ADGRF5: variants seen among roughly 807,000 people sequenced by gnomAD.
ADGRF5 encodes adhesion G protein-coupled receptor F5.
A neutral mutation model predicts 132.3 loss-of-function variants in ADGRF5; 75 were observed. The observed-to-expected ratio is 0.57, with a 90% CI of 0.47 to 0.69. The LOEUF is 0.69. Ranked by LOEUF, ADGRF5 falls within the 30% of genes least tolerant of loss-of-function variation. The pLI is 0.00. For synonymous variants in ADGRF5, 629 were observed against 597.6 expected (o/e 1.05, Z -0.77); for missense variants, 1,516 against 1,630.6 (o/e 0.93, Z 1.21).
chr6:46,871,164 A>C (rs1771017274), intron 11 of ADGRF5, among the ~76,000 whole-genome samples: 1 of 152,146 alleles, frequency 6.6e-6, no homozygotes, highest in Non-Finnish European at 1.5e-5. Context: ...GATTAATCTA[A>C]ATTGTTCATT....
At chr6:46,879,740 G>A (rs571442679) in intron 9 of ADGRF5, 78 bp downstream of exon 9, 22 of 986,216 alleles carry the variant, frequency 2.2e-5, no homozygotes, top group Middle Eastern at 2.2e-4. Context: ...ACATAGCTAC[G>A]TAAAACACTA....
intron 8 of ADGRF5, 86 bp from the exon 9 acceptor site, chr6:46,880,125 C>G (rs188356746): frequency 9.1e-6 from 8 of 878,102 alleles, no homozygotes; most frequent in African/African-American, 1.6e-5. Context: ...CCACAAGGCT[C>G]TTGGAGATCT....
At chr6:46,954,245 CT>C (rs11341848) in intron 1 of ADGRF5, among the ~76,000 whole-genome samples, 21,870 of 150,174 alleles carry the variant, frequency 0.15, 1,819 homozygotes, top group Admixed American at 0.23. Context: ...ACAAAGTACT[CT>C]TTTTTTTTTC....
Position 46,866,910 on chromosome 6 carries a change from C to A in ADGRF5, c.1834+15G>T, listed in dbSNP as rs1770513833. 6.7e-7 allele frequency: 1 copy of A among 1,495,938 alleles called. No homozygotes were observed. Among genetic ancestry groups the A allele is most frequent in the Admixed American group, 1.7e-5 (1 of 59,708 alleles). The allele number at this position is 1,495,938 out of a possible 1,614,324, so 92.7% of individuals were successfully genotyped here. A position where few individuals can be genotyped will look rare whatever the true frequency, so the allele number is the denominator to read the frequency against. The stretch of plus-strand genomic sequence containing the variant: ...GAAATAATATACCCTAACAATTCAG[C>A]AATCAGCATCTTACCAGCAGGAAGG... On this transcript the variant is annotated intron_variant, in intron 13 of 20. Transcript: ENST00000283296.
intron 12 of ADGRF5, among the ~76,000 whole-genome samples, chr6:46,867,977 G>A (rs1042027317): frequency 6.6e-6 from 1 of 152,186 alleles, no homozygotes; most frequent in Non-Finnish European, 1.5e-5. Flanking sequence ...GAGCAGGATT[G>A]AGGTCAGCCT....
intron 3 of ADGRF5, among the ~76,000 whole-genome samples, chr6:46,888,872 A>G (rs1009571445): frequency 1.3e-5 from 2 of 152,122 alleles, no homozygotes; most frequent in Non-Finnish European, 2.9e-5. Flanking sequence ...TAAGGGCTGA[A>G]CCATGCATGG....
chr6:46,876,570 T>C (rs1206087053), intron 10 of ADGRF5, among the ~76,000 whole-genome samples: 1 of 152,140 alleles, frequency 6.6e-6, no homozygotes, highest in Non-Finnish European at 1.5e-5. Context: ...AAATTACATG[T>C]GCTTAGGAAA....
intron 1 of ADGRF5, among the ~76,000 whole-genome samples, chr6:46,921,217 C>T (rs964151541): frequency 2.0e-5 from 3 of 152,160 alleles, no homozygotes; most frequent in African/African-American, 7.2e-5. Flanking sequence ...AAGGTCATCC[C>T]TTGTCCTTTG....
At chr6:46,938,477 G>A (rs1197595206) in intron 1 of ADGRF5, among the ~76,000 whole-genome samples, 2 of 152,192 alleles carry the variant, frequency 1.3e-5, no homozygotes, top group Non-Finnish European at 2.9e-5. Flanking sequence ...GATTCTGATA[G>A]GTGAGGCCAC....
rs1169370820 is a variant in ADGRF5 at position 46,853,622 on chromosome 6, G to C, written c.*370C>G. 6.5e-6 allele frequency: 1 copy of C among 153,074 alleles called. No individual in the cohort carries two copies. The highest frequency in any genetic ancestry group is 6.6e-5 in the Admixed American group (1 of 15,178). 9.5% of individuals were successfully genotyped at this position (153,074 alleles called of 1,614,324 possible). A position where few individuals can be genotyped will look rare whatever the true frequency, so the allele number is the denominator to read the frequency against. On this transcript the variant is annotated 3_prime_UTR_variant, in exon 21 of 21. Coordinates refer to ENST00000283296, the MANE Select transcript of ADGRF5 (RefSeq NM_001098518.2). ...TTAGAATTCACTGAAGTATTTCCTA[G>C]GTAGCCTTTTACTTACTACTTTAAT...
At chr6:46,874,765 C>G (rs906080419) in intron 10 of ADGRF5, among the ~76,000 whole-genome samples, 2 of 152,154 alleles carry the variant, frequency 1.3e-5, no homozygotes, top group African/African-American at 4.8e-5. Flanking sequence ...ATCCCTTCAC[C>G]CTTTTTCTAA....
chr6:46,899,672 G>A (rs866338131), intron 3 of ADGRF5, among the ~76,000 whole-genome samples: 1 of 149,160 alleles, frequency 6.7e-6, no homozygotes, highest in African/African-American at 2.4e-5. Flanking sequence ...TTTTTTGTTT[G>A]TTTTGTTTTT....
At chr6:46,900,144 C>G (rs958895961) in intron 2 of ADGRF5, 61 bp from the exon 3 acceptor site, 8 of 1,230,038 alleles carry the variant, frequency 6.5e-6, no homozygotes, top group Non-Finnish European at 9.3e-6. Context: ...CACTGTGGCT[C>G]CCCGCTTAGA....
chr6:46,906,370 A>G (rs947684412), intron 2 of ADGRF5, among the ~76,000 whole-genome samples: 2 of 152,204 alleles, frequency 1.3e-5, no homozygotes, highest in African/African-American at 2.4e-5. Context: ...GTTGTAATTT[A>G]GTGAAGGAAG....
chr6:46,866,631 T>C (rs766757401), intron 13 of ADGRF5, among the ~76,000 whole-genome samples: 2 of 152,130 alleles, frequency 1.3e-5, no homozygotes, highest in Non-Finnish European at 2.9e-5. Context: ...GAGGAAAAGA[T>C]TGTCAGAATA....
intron 4 of ADGRF5, among the ~76,000 whole-genome samples, chr6:46,884,520 T>C (rs908733958): frequency 2.0e-5 from 3 of 152,222 alleles, no homozygotes; most frequent in African/African-American, 7.2e-5. Flanking sequence ...ATCTTTTAGA[T>C]AGTCATGCCT....
intron 1 of ADGRF5, among the ~76,000 whole-genome samples, chr6:46,946,165 T>C (rs1482182604): frequency 6.6e-6 from 1 of 151,990 alleles, no homozygotes; most frequent in Admixed American, 6.6e-5. Context: ...GTTATAGCCA[T>C]TGGGAAGCTG....
At chr6:46,935,364 G>T (rs1422819686) in intron 1 of ADGRF5, among the ~76,000 whole-genome samples, 1 of 152,102 alleles carries the variant, frequency 6.6e-6, no homozygotes, top group Admixed American at 6.6e-5. Context: ...TACGAACAAT[G>T]CACCACCTTG....
rs559616732 is a variant in ADGRF5, at chr6:46,865,034, G to A, written c.1990+8C>T. The A allele has an allele frequency of 5.7e-6, 9 of 1,580,624 alleles. No individual in the cohort carries two copies. The highest frequency in any genetic ancestry group is 2.2e-5 in the East Asian group (1 of 44,670). On this transcript the variant is annotated splice_region_variant and intron_variant, in intron 14 of 20. Coordinates refer to ENST00000283296, the MANE Select transcript of ADGRF5 (RefSeq NM_001098518.2). ...ATAACATCTTAAAGTAATTTAAAAC[G>A]TTCTTACCAGGAACCAGATTCAGCT... is the stretch of plus-strand genomic sequence containing the variant.
Sources: allele counts gnomAD v4.1 joint callset (sites outside exome capture counted in the v4.1 genomes callset), GRCh38; gene constraint gnomAD v4.1.1; transcripts MANE v1.5; gene names NCBI Gene and HGNC (gene_info 2026-07-23, HGNC 2026-07-21).